Variants in SLC26A7 observed in about 807,000 individuals in gnomAD.
SLC26A7 encodes anion exchange transporter.
In SLC26A7, 59 loss-of-function variants were observed where a neutral mutation model predicts 82.5. The ratio of observed to expected loss-of-function variants is 0.72; its 90% CI spans 0.58 to 0.89. The LOEUF (loss-of-function observed/expected upper bound fraction) is 0.89, where lower values mean the gene tolerates loss of function less well. Ranked by LOEUF, SLC26A7 falls within the 40% of genes least tolerant of loss-of-function variation. The pLI is 0.00. For missense variants in SLC26A7, 820 were observed against 793.0 expected (o/e 1.03, Z -0.41); for synonymous variants, 271 against 274.3 (o/e 0.99, Z 0.12).
At chr8:91,362,762 T>C (rs544677609) in intron 12 of SLC26A7, among the ~76,000 whole-genome samples, 10 of 152,202 alleles carry the variant, frequency 6.6e-5, no homozygotes, top group African/African-American at 2.2e-4. Context: ...GAGATTTCTT[T>C]AAATTAAGTG....
chr8:91,352,778 AATCGGTGATTGCTTTT>A (rs1813752786), intron 10 of SLC26A7, 107 bp from the exon 11 acceptor site: 2 of 652,616 alleles, frequency 3.1e-6, no homozygotes, highest in Non-Finnish European at 5.1e-6. Context: ...TTTGTCTTCT[AATCGGTGATTGCTTTT>A]CTCTATTAAG....
intron 2 of SLC26A7, among the ~76,000 whole-genome samples, chr8:91,282,883 G>T (rs898926199): frequency 1.3e-5 from 2 of 152,064 alleles, no homozygotes; most frequent in Non-Finnish European, 2.9e-5. Flanking sequence ...ACCTAAATTT[G>T]TCCCCTCCTC....
chr8:91,238,865 A>C (rs773261027), intron 2 of SLC26A7, among the ~76,000 whole-genome samples: 1 of 152,166 alleles, frequency 6.6e-6, no homozygotes, highest in Non-Finnish European at 1.5e-5. Flanking sequence ...TTGGACGTAT[A>C]TATTTAATTA....
At chr8:91,296,297 A>T (rs1445538577) in intron 4 of SLC26A7, among the ~76,000 whole-genome samples, 2 of 152,224 alleles carry the variant, frequency 1.3e-5, no homozygotes, top group Admixed American at 1.3e-4. Context: ...AGTCGTCAAA[A>T]TTTGAAAGCT....
intron 4 of SLC26A7, among the ~76,000 whole-genome samples, chr8:91,316,810 T>C (rs1027298141): frequency 6.6e-6 from 1 of 151,402 alleles, no homozygotes; most frequent in Admixed American, 6.6e-5. Context: ...GTGTGGGCCA[T>C]CTTCTCAAAG....
At chr8:91,244,137 G>A (rs1247537635) in intron 2 of SLC26A7, among the ~76,000 whole-genome samples, 2 of 152,160 alleles carry the variant, frequency 1.3e-5, no homozygotes, top group Admixed American at 6.5e-5. Context: ...TTTCCTAAAT[G>A]TGTATTGGGT....
Position 91,389,396 on chromosome 8 carries a change from A to G in SLC26A7, c.1734A>G (p.Gly578=). The change falls in exon 16 of 19, where the codon GGA becomes GGG. Residue 578 remains glycine, a synonymous_variant. Transcript: ENST00000276609. ...GTTATTTAATCCTGGATTGCAGTGGATTTACCTTTTTTGACTATTCTGGAG... is the reference window on the plus strand; with the variant it reads ...GTTATTTAATCCTGGATTGCAGTGGGTTTACCTTTTTTGACTATTCTGGAG... ...EKCYLILDCS[G]FTFFDYSGVS... The G allele has an allele frequency of 6.2e-7, 1 of 1,613,878 alleles. No homozygotes were observed. Among genetic ancestry groups the G allele is most frequent in the Non-Finnish European group, 8.5e-7 (1 of 1,179,890 alleles).
At chr8:91,226,523 T>G (rs1388819998) in intron 2 of SLC26A7, among the ~76,000 whole-genome samples, 1 of 152,228 alleles carries the variant, frequency 6.6e-6, no homozygotes, top group Non-Finnish European at 1.5e-5. Flanking sequence ...TATGATTACC[T>G]CTTCTTCACA....
In SLC26A7 at chr8:91,298,062, T is replaced by C. The variant is rs536961088; in HGVS notation, c.477+2359T>C. On this transcript the variant is annotated intron_variant, in intron 4 of 18. Transcript: ENST00000276609. ...CCATAAAGATATTTATTGCTTCTTG[T>C]ATTACAGGAAGTTATAGAAGTAAGT... Among the ~76,000 whole-genome samples, 3 of 152,282 alleles carry C rather than the reference T, an allele frequency of 2.0e-5. No individual in the cohort carries two copies. The South Asian group carries it at 6.2e-4, about 32-fold the overall frequency.
chr8:91,374,954 G>T (rs555188324), intron 15 of SLC26A7, among the ~76,000 whole-genome samples: 1 of 152,014 alleles, frequency 6.6e-6, no homozygotes, highest in South Asian at 2.1e-4. Context: ...AAATCTTGTT[G>T]AATTGAAACC....
intron 3 of SLC26A7, among the ~76,000 whole-genome samples, chr8:91,295,306 T>G (rs1158498047): frequency 1.3e-5 from 2 of 152,070 alleles, no homozygotes; most frequent in African/African-American, 4.8e-5. Flanking sequence ...GAATAGCAAA[T>G]AGATGAGTGG....
intron 2 of SLC26A7, among the ~76,000 whole-genome samples, chr8:91,233,417 A>G (rs1563636925): frequency 6.6e-6 from 1 of 152,038 alleles, no homozygotes; most frequent in Non-Finnish European, 1.5e-5. Context: ...AAATTCAAAA[A>G]TTAGCTGGGC....
intron 5 of SLC26A7, among the ~76,000 whole-genome samples, chr8:91,323,818 CTT>C (rs3086210): frequency 0.076 from 8,842 of 117,076 alleles, 240 homozygotes; most frequent in East Asian, 0.12. Context: ...TTTTTCTTAT[CTT>C]TTTTTTTTTT....
chr8:91,363,587 G>T (rs905760092), intron 13 of SLC26A7, 49 bp downstream of exon 13: 1 of 1,111,686 alleles, frequency 9.0e-7, no homozygotes. Flanking sequence ...TCATTTTGTG[G>T]GTGAGATAAT....
intron 15 of SLC26A7, among the ~76,000 whole-genome samples, chr8:91,381,165 G>A (rs568512557): frequency 1.3e-5 from 2 of 152,208 alleles, no homozygotes; most frequent in South Asian, 4.1e-4. Context: ...ATCTGGAGGA[G>A]TTACAAGATT....
chr8:91,312,635 GTGTGTC>G (rs1001223640), intron 4 of SLC26A7, among the ~76,000 whole-genome samples: 7 of 60,784 alleles, frequency 1.2e-4, no homozygotes, highest in Admixed American at 4.9e-4. Context: ...GTGTATGTAG[GTGTGTC>G]TGTGTGTGTG....
chr8:91,300,699 AGATGTT>A (rs1460638696), intron 4 of SLC26A7, among the ~76,000 whole-genome samples: 1 of 152,122 alleles, frequency 6.6e-6, no homozygotes, highest in African/African-American at 2.4e-5. Context: ...GCCCGGCCAG[AGATGTT>A]TTTACTTCTT....
intron 2 of SLC26A7, among the ~76,000 whole-genome samples, chr8:91,237,904 C>A (rs1182760599): frequency 6.6e-6 from 1 of 152,084 alleles, no homozygotes; most frequent in Admixed American, 6.6e-5. Flanking sequence ...ATCTCTAATC[C>A]CATACTTCAC....
At chr8:91,379,206 T>A (rs903001555) in intron 15 of SLC26A7, among the ~76,000 whole-genome samples, 1 of 152,078 alleles carries the variant, frequency 6.6e-6, no homozygotes, top group Non-Finnish European at 1.5e-5. Context: ...ACAATGCCCA[T>A]TGATTAGAAT....
Sources: gnomAD v4.1 joint callset for allele counts (sites outside exome capture counted in the v4.1 genomes callset) on GRCh38, gnomAD v4.1.1 for gene constraint, MANE v1.5 for transcripts, NCBI Gene and HGNC (gene_info 2026-07-23, HGNC 2026-07-21) for gene names.